The following KIRREL3 variants were observed in gnomAD, a reference collection of about 807,000 sequenced individuals.
The protein encoded by KIRREL3 is kin of IRRE-like protein 3.
In KIRREL3, 36 loss-of-function variants were observed where a neutral mutation model predicts 89.7. That is an observed-to-expected ratio of 0.40 (90% CI 0.31 to 0.53). The LOEUF (loss-of-function observed/expected upper bound fraction) is 0.53, where lower values mean the gene tolerates loss of function less well. Among genes scored for constraint, KIRREL3 ranks in the 20% least tolerant of loss-of-function variants. The pLI is 0.49. For missense variants in KIRREL3, 864 were observed against 1,056.6 expected (o/e 0.82, Z 2.53); for synonymous variants, 445 against 441.4 (o/e 1.01, Z -0.10).
rs1221615266 is a variant in KIRREL3 at position 126,614,688 on chromosome 11, G to A, written c.56-51776C>T. Among the ~76,000 whole-genome samples the A allele has an allele frequency of 6.6e-6, 1 of 152,166 alleles. No individual in the cohort carries two copies. Among genetic ancestry groups the A allele is most frequent in the African/African-American group, 2.4e-5 (1 of 41,442 alleles). ...GGGCAGTGATGTCAGTCCAGCCAAG[G>A]CTGGTGAGATGTATTTGCAGACAAG... On this transcript the variant is annotated intron_variant, in intron 1 of 16. Transcript: ENST00000525144. This position sits in a 1 kb window ranked among gnomAD's most constrained non-coding sequence, Gnocchi z 4.6.
rs980496327 is a variant in KIRREL3 at position 126,778,096 on chromosome 11, A to G, written c.56-215184T>C. ...AGACAATCCAAAAGAGCAAAATGAAAATTATGCCAGCCCCCTGACCTCCCC... is the reference window on the plus strand; with the variant it reads ...AGACAATCCAAAAGAGCAAAATGAAGATTATGCCAGCCCCCTGACCTCCCC... On this transcript the variant is annotated intron_variant, in intron 1 of 16. Transcript: ENST00000525144. This position sits in a 1 kb window ranked among gnomAD's most constrained non-coding sequence, Gnocchi z 4.5. 3.3e-5 allele frequency among the ~76,000 whole-genome samples: 5 copies of G among 152,124 alleles called. No homozygotes were observed. Among genetic ancestry groups the G allele is most frequent in the African/African-American group, 1.2e-4 (5 of 41,418 alleles).
rs182876884 is a variant in KIRREL3, at chr11:126,889,395, C to T, written c.55+111060G>A. On this transcript the variant is annotated intron_variant, in intron 1 of 16. Coordinates refer to ENST00000525144, the MANE Select transcript of KIRREL3 (RefSeq NM_032531.4). ...ACATTCGTCATCATTACTGCGTGAT[C>T]AGTAGTCCATTCCTTTCTACTGCTG... Among the ~76,000 whole-genome samples, 101 of 152,312 alleles carry T rather than the reference C, an allele frequency of 6.6e-4. 1 individual carries two copies. The highest frequency in any genetic ancestry group is 2.2e-3 in the African/African-American group (93 of 41,566).
At chr11:126,517,172 CAG>C (rs1203014972) in intron 4 of KIRREL3, among the ~76,000 whole-genome samples, 1 of 105,250 alleles carries the variant, frequency 9.5e-6, no homozygotes, top group Non-Finnish European at 2.1e-5. Flanking sequence ...GAGAGAGAGA[CAG>C]AGTGTTTAAT....
chr11:126,907,548 A>T lies in KIRREL3; in HGVS notation c.55+92907T>A, dbSNP rs148298743. On this transcript the variant is annotated intron_variant, in intron 1 of 16. Transcript: ENST00000525144. ...AGGGACAGGTTGAGAAGCATAAGAG[A>T]ACTTCGGCAACCACATTCTTTTTAA... 1.8e-4 allele frequency among the ~76,000 whole-genome samples: 28 copies of T among 152,290 alleles called. No individual in the cohort carries two copies. In the South Asian group the frequency reaches 4.1e-3, roughly 23 times the overall value.
In KIRREL3 at chr11:126,555,621, T is replaced by C. The variant is rs1461399685; in HGVS notation, c.133+7214A>G. 6.6e-6 allele frequency among the ~76,000 whole-genome samples: 1 copy of C among 152,058 alleles called. No homozygotes were observed. Among genetic ancestry groups the C allele is most frequent in the Non-Finnish European group, 1.5e-5 (1 of 67,994 alleles). ...ACAGGCCCTATGACAGGGGCCCTGC[T>C]TGAGGAGCAGCAGGAAGGCCCATGT... On this transcript the variant is annotated intron_variant, in intron 2 of 16. Coordinates refer to ENST00000525144, the MANE Select transcript of KIRREL3 (RefSeq NM_032531.4). The surrounding 1 kb of genome is among the most constrained non-coding windows in gnomAD (Gnocchi z 4.2).
At chr11:126,451,447 AGTGCATG>A (rs1405089177) in intron 7 of KIRREL3, among the ~76,000 whole-genome samples, 27 of 66,392 alleles carry the variant, frequency 4.1e-4, no homozygotes, top group African/African-American at 1.5e-3. Flanking sequence ...TGTGTGTCCA[AGTGCATG>A]CGCATGTGTG....
At chr11:126,440,407 G>T in intron 11 of KIRREL3, 42 bp downstream of exon 11, 2 of 1,527,414 alleles carry the variant, frequency 1.3e-6, no homozygotes, top group African/African-American at 1.4e-5. Context: ...TGACTGTTGG[G>T]CTGCTGGCCC....
rs1229568001 is a variant in KIRREL3, at chr11:126,443,019, C to T, written c.1252+1960G>A. ...CCCCGTCCAAGAGAAATGTCCCTCC[C>T]GGCCTGTGTTCCCCAGGGGGCATTC... is the stretch of plus-strand genomic sequence containing the variant. On this transcript the variant is annotated intron_variant, in intron 10 of 16. Transcript: ENST00000525144. This position sits in a 1 kb window ranked among gnomAD's most constrained non-coding sequence, Gnocchi z 7.3. Among the ~76,000 whole-genome samples, 8 of 152,218 alleles carry T rather than the reference C, an allele frequency of 5.3e-5. No individual in the cohort carries two copies. The highest frequency in any genetic ancestry group is 1.2e-4 in the African/African-American group (5 of 41,456).
At position 126,628,176 on chromosome 11, in the gene KIRREL3, C is replaced by A. The variant is rs540096421; in HGVS notation, c.56-65264G>T. 1.3e-5 allele frequency among the ~76,000 whole-genome samples: 2 copies of A among 152,348 alleles called. No individual in the cohort carries two copies. The highest frequency in any genetic ancestry group is 4.8e-5 in the African/African-American group (2 of 41,572). On this transcript the variant is annotated intron_variant, in intron 1 of 16. Transcript: ENST00000525144. This position sits in a 1 kb window ranked among gnomAD's most constrained non-coding sequence, Gnocchi z 5.2. ...TCTGAACACACTTCGCCCACCCCTC[C>A]AAGGCTTCTGGCCTGCATCCCACTG... is the stretch of plus-strand genomic sequence containing the variant.
chr11:126,641,114 G>T lies in KIRREL3; in HGVS notation c.56-78202C>A, dbSNP rs77324500. The stretch of plus-strand genomic sequence containing the variant: ...CATCTTTGAAGAAGATGATAAACTT[G>T]TCAGTGGCAATTTTATCCTTCCAGT... On this transcript the variant is annotated intron_variant, in intron 1 of 16. Transcript: ENST00000525144. This position sits in a 1 kb window ranked among gnomAD's most constrained non-coding sequence, Gnocchi z 5.0. Among the ~76,000 whole-genome samples the T allele has an allele frequency of 6.8e-3, 1,035 of 152,228 alleles. 13 individuals carry two copies. The highest frequency in any genetic ancestry group is 0.023 in the African/African-American group (950 of 41,542).
chr11:126,583,797 C>T (rs751577140), intron 1 of KIRREL3, among the ~76,000 whole-genome samples: 6 of 152,154 alleles, frequency 3.9e-5, no homozygotes, highest in African/African-American at 1.4e-4. Context: ...GACCCTCGCC[C>T]GGGGAAATGC....
chr11:126,787,454 A>T (rs978458014), intron 1 of KIRREL3, among the ~76,000 whole-genome samples: 2 of 152,226 alleles, frequency 1.3e-5, no homozygotes, highest in African/African-American at 4.8e-5. Context: ...TACACAGCAG[A>T]ACTTTCTCCA....
rs1268737990 is a variant in KIRREL3 at position 126,668,372 on chromosome 11, G to A, written c.56-105460C>T. ...ACCTCCTAATACCGTAGCCTTGGAG[G>A]TGAGAATTTTAGCTTATGAATTTGG... is the stretch of plus-strand genomic sequence containing the variant. On this transcript the variant is annotated intron_variant, in intron 1 of 16. Transcript: ENST00000525144. The surrounding 1 kb of genome is among the most constrained non-coding windows in gnomAD (Gnocchi z 4.4). Among the ~76,000 whole-genome samples, 1 of 152,170 alleles carries A rather than the reference G, an allele frequency of 6.6e-6. No individual in the cohort carries two copies. Among genetic ancestry groups the A allele is most frequent in the African/African-American group, 2.4e-5 (1 of 41,438 alleles).
intron 1 of KIRREL3, among the ~76,000 whole-genome samples, chr11:126,958,660 G>A (rs1948994428): frequency 6.6e-6 from 1 of 152,180 alleles, no homozygotes; most frequent in East Asian, 1.9e-4. Flanking sequence ...TAGTTTTTCT[G>A]CTTAATCATG....
At chr11:126,503,254 G>A (rs1451914719) in intron 4 of KIRREL3, among the ~76,000 whole-genome samples, 1 of 152,164 alleles carries the variant, frequency 6.6e-6, no homozygotes, top group African/African-American at 2.4e-5. Flanking sequence ...CGAGCCTGTG[G>A]ATCCTGGGTG....
At chr11:126,787,939 C>G (rs1950529423) in intron 1 of KIRREL3, among the ~76,000 whole-genome samples, 1 of 152,214 alleles carries the variant, frequency 6.6e-6, no homozygotes, top group Non-Finnish European at 1.5e-5. Context: ...GTGCCAGGCA[C>G]TCTTCTATTG....
At chr11:126,992,532 C>A (rs1950064292) in intron 1 of KIRREL3, 1 of 152,244 alleles carries the variant, frequency 6.6e-6, no homozygotes, top group African/African-American at 2.4e-5. Flanking sequence ...GTGGAACATA[C>A]AGGTAGATCT....
intron 1 of KIRREL3, among the ~76,000 whole-genome samples, chr11:126,633,922 A>G (rs1233843108): frequency 1.3e-5 from 2 of 152,206 alleles, no homozygotes; most frequent in Non-Finnish European, 2.9e-5. Flanking sequence ...TGGTTTAGTC[A>G]TGTTCCCACT....
At chr11:126,967,285 G>T (rs990725559) in intron 1 of KIRREL3, among the ~76,000 whole-genome samples, 1 of 151,954 alleles carries the variant, frequency 6.6e-6, no homozygotes, top group Non-Finnish European at 1.5e-5. Context: ...CACCATGCCC[G>T]CACATCCCTC....
Sources: allele counts gnomAD v4.1 joint callset (sites outside exome capture counted in the v4.1 genomes callset), GRCh38; gene constraint gnomAD v4.1.1; non-coding constraint Gnocchi (gnomAD v3.1); transcripts MANE v1.5; gene names NCBI Gene and HGNC (gene_info 2026-07-23, HGNC 2026-07-21).